The following ZPLD1 variants were observed in gnomAD, a reference collection of about 807,000 sequenced individuals.
ZPLD1 encodes zona pellucida like domain containing 1.
ZPLD1 carries 34 observed loss-of-function variants against 47.2 expected under a neutral mutation model. The ratio of observed to expected loss-of-function variants is 0.72; its 90% CI spans 0.55 to 0.96. The LOEUF (loss-of-function observed/expected upper bound fraction) is 0.96. ZPLD1 is among the 40% of genes least tolerant of loss of function. ZPLD1 has a pLI of 0.00. For missense variants in ZPLD1, 512 were observed against 505.8 expected (o/e 1.01, Z -0.12); for synonymous variants, 176 against 186.2 (o/e 0.95, Z 0.45).
chr3:102,432,802 A>T (rs1707031952), upstream of ZPLD1, among the ~76,000 whole-genome samples: 1 of 152,226 alleles, frequency 6.6e-6, no homozygotes, highest in African/African-American at 2.4e-5. Context: ...TGGCAAGAAA[A>T]AAAAAGCAAG....
At chr3:102,464,779 G>A (rs560913656) in intron 8 of ZPLD1, among the ~76,000 whole-genome samples, 2 of 152,256 alleles carry the variant, frequency 1.3e-5, no homozygotes, top group East Asian at 3.9e-4. Context: ...AATAGACAGT[G>A]ATATAGAGTG....
At chr3:102,476,879 A>C in intron 10 of ZPLD1, 133 bp from the exon 11 acceptor site, 1 of 1,022,832 alleles carries the variant, frequency 9.8e-7, no homozygotes, top group Non-Finnish European at 1.5e-6. Context: ...GCCTTACTCA[A>C]GGAGATTATG....
intron 10 of ZPLD1, among the ~76,000 whole-genome samples, chr3:102,472,260 G>A (rs779872259): frequency 9.9e-5 from 15 of 152,072 alleles, no homozygotes; most frequent in African/African-American, 3.1e-4. Context: ...GGCTGGGCGC[G>A]GTGGCTCACG....
chr3:102,399,312 C>A (rs1477493781), intron 7 of ZPLD1, among the ~76,000 whole-genome samples: 1 of 152,126 alleles, frequency 6.6e-6, no homozygotes, highest in African/African-American at 2.4e-5. Context: ...ATCTTCAGGG[C>A]TATATGTAAT....
chr3:102,395,292 A>G (rs758503557), intron 7 of ZPLD1, among the ~76,000 whole-genome samples: 6 of 152,146 alleles, frequency 3.9e-5, no homozygotes, highest in Non-Finnish European at 7.3e-5. Context: ...ATATATACGT[A>G]TATGTAAATA....
chr3:102,419,953 T>C (rs1706857339), intron 8 of ZPLD1, among the ~76,000 whole-genome samples: 1 of 151,590 alleles, frequency 6.6e-6, no homozygotes, highest in African/African-American at 2.4e-5. Context: ...GTCAAGGCTA[T>C]TAATTAAGCT....
chr3:102,414,899 T>A (rs1463675123), intron 7 of ZPLD1, among the ~76,000 whole-genome samples: 1 of 151,904 alleles, frequency 6.6e-6, no homozygotes, highest in Non-Finnish European at 1.5e-5. Context: ...GGTAAAATAA[T>A]ATGTACAATA....
intron 3 of ZPLD1, among the ~76,000 whole-genome samples, chr3:102,447,324 T>G (rs1377289156): frequency 2.0e-5 from 3 of 152,264 alleles, no homozygotes; most frequent in East Asian, 1.9e-4. Flanking sequence ...TCGGCCTTCC[T>G]AAGTGCTGGG....
intron 4 of ZPLD1, 76 bp downstream of exon 4, chr3:102,453,215 T>A (rs2107336407): frequency 1.5e-6 from 2 of 1,310,140 alleles, no homozygotes; most frequent in Non-Finnish European, 1.1e-6. Flanking sequence ...AAGAATAAGA[T>A]GCCCAATCTA....
intron 1 of ZPLD1, among the ~76,000 whole-genome samples, chr3:102,435,929 A>G (rs531370323): frequency 1.7e-4 from 26 of 152,358 alleles, no homozygotes; most frequent in African/African-American, 6.3e-4. Flanking sequence ...GGCGTGAGCC[A>G]CCACGCCTGG....
Position 102,469,200 on chromosome 3 carries a change from T to G in ZPLD1, c.933+65T>G. On this transcript the variant is annotated intron_variant, in intron 9 of 11. Transcript: ENST00000466937. ...ATCTAAGCTGAAAGGTTATCAAATGTCAGAAACTAAGTTCTGCATAGAAAG... is the reference window on the plus strand; with the variant it reads ...ATCTAAGCTGAAAGGTTATCAAATGGCAGAAACTAAGTTCTGCATAGAAAG... 2.0e-6 allele frequency: 3 copies of G among 1,512,304 alleles called. No homozygotes were observed. In the Admixed American group the frequency reaches 6.3e-5, roughly 32 times the overall value. 93.7% of individuals were successfully genotyped at this position (1,512,304 alleles called of 1,614,324 possible). A position where few individuals can be genotyped will look rare whatever the true frequency, so the allele number is the denominator to read the frequency against.
intron 10 of ZPLD1, among the ~76,000 whole-genome samples, chr3:102,472,151 A>G (rs1707695054): frequency 6.6e-6 from 1 of 152,240 alleles, no homozygotes; most frequent in Non-Finnish European, 1.5e-5. Flanking sequence ...AGGCCCTTTC[A>G]ATAATGCAGA....
At chr3:102,404,889 A>G (rs1706663536) in intron 7 of ZPLD1, among the ~76,000 whole-genome samples, 1 of 151,980 alleles carries the variant, frequency 6.6e-6, no homozygotes, top group Admixed American at 6.6e-5. Context: ...GTTACGTATT[A>G]TATAACAGAA....
chr3:102,430,945 A>T (rs1055574554), upstream of ZPLD1, among the ~76,000 whole-genome samples: 7 of 152,202 alleles, frequency 4.6e-5, no homozygotes, highest in Non-Finnish European at 7.3e-5. Context: ...GAAGGAAGTC[A>T]ATATGCTAGC....
intron 4 of ZPLD1, among the ~76,000 whole-genome samples, chr3:102,453,448 C>T (rs530505884): frequency 8.1e-4 from 124 of 152,288 alleles, no homozygotes; most frequent in African/African-American, 2.7e-3. Context: ...ATTCCTCAGG[C>T]TTTATAAGAA....
intron 6 of ZPLD1, among the ~76,000 whole-genome samples, chr3:102,458,814 G>T (rs1227548840): frequency 6.6e-6 from 1 of 152,154 alleles, no homozygotes; most frequent in Non-Finnish European, 1.5e-5. Flanking sequence ...TGTCGGCCGG[G>T]TGCTGTGGCT....
chr3:102,427,719 G>A (rs186673045), intron 8 of ZPLD1, among the ~76,000 whole-genome samples: 9 of 152,100 alleles, frequency 5.9e-5, no homozygotes, highest in Admixed American at 5.2e-4. Context: ...GAGAACCAGA[G>A]CCCAAACCTA....
intron 7 of ZPLD1, among the ~76,000 whole-genome samples, chr3:102,393,287 G>A (rs1196269120): frequency 1.3e-5 from 2 of 152,120 alleles, no homozygotes; most frequent in Non-Finnish European, 2.9e-5. Flanking sequence ...GCGCTTAACT[G>A]TGCTATTACG....
intron 7 of ZPLD1, among the ~76,000 whole-genome samples, chr3:102,402,516 GAATT>G (rs925387407): frequency 1.5e-4 from 23 of 151,984 alleles, no homozygotes; most frequent in Admixed American, 1.5e-3. Flanking sequence ...TACAGTAGTA[GAATT>G]AATAAAGGCT....
Sources: allele counts gnomAD v4.1 joint callset (sites outside exome capture counted in the v4.1 genomes callset), GRCh38; gene constraint gnomAD v4.1.1; transcripts MANE v1.5; gene names NCBI Gene and HGNC (gene_info 2026-07-23, HGNC 2026-07-21).